BLTP3A: variants seen among roughly 807,000 people sequenced by gnomAD.
BLTP3A encodes the protein ICBP90 binding protein 1.
the BLTP3A span, chr6:34,876,979 C>G: frequency 6.6e-6 from 1 of 152,474 alleles, no homozygotes; most frequent in Non-Finnish European, 1.5e-5. Flanking sequence ...GTTCCTGTGA[C>G]TTCTAAAAAA....
chr6:34,841,274 G>A, the BLTP3A span, among the ~76,000 whole-genome samples: 10 of 151,788 alleles, frequency 6.6e-5, no homozygotes, highest in African/African-American at 2.4e-4. Flanking sequence ...TCACTATGTT[G>A]GCCAGGCTGG....
At chr6:34,872,238 C>G in the BLTP3A span, 1 of 1,518,780 alleles carries the variant, frequency 6.6e-7, no homozygotes, top group South Asian at 1.3e-5. Flanking sequence ...AACTCTTCCT[C>G]CCTGTTCCCT....
the BLTP3A span, among the ~76,000 whole-genome samples, chr6:34,836,925 C>T: frequency 6.6e-6 from 1 of 152,168 alleles, no homozygotes; most frequent in South Asian, 2.1e-4. Flanking sequence ...CCTTTATGAG[C>T]CCTGGGGAAA....
At chr6:34,821,694 C>G in the BLTP3A span, 9 of 1,613,980 alleles carry the variant, frequency 5.6e-6, no homozygotes, top group Non-Finnish European at 7.6e-6. Flanking sequence ...AACCTGAGCA[C>G]CCTGAAAGGG....
the BLTP3A span, among the ~76,000 whole-genome samples, chr6:34,852,935 C>T: frequency 6.6e-6 from 1 of 152,148 alleles, no homozygotes; most frequent in African/African-American, 2.4e-5. Flanking sequence ...TGGCTTTCTG[C>T]TGTGACAGCA....
At chr6:34,867,214 T>C in the BLTP3A span, 1 of 1,597,848 alleles carries the variant, frequency 6.3e-7, no homozygotes. Flanking sequence ...TTTGTCCTCT[T>C]TTTCATGCAG....
At chr6:34,852,669 C>T in the BLTP3A span, among the ~76,000 whole-genome samples, 1 of 151,768 alleles carries the variant, frequency 6.6e-6, no homozygotes, top group Non-Finnish European at 1.5e-5. Context: ...CTTTGGCTAT[C>T]CCAGTTGGCA....
the BLTP3A span, among the ~76,000 whole-genome samples, chr6:34,807,768 G>A: frequency 1.3e-5 from 2 of 152,272 alleles, no homozygotes; most frequent in Admixed American, 1.3e-4. Context: ...GGCTGGGTGC[G>A]GTGGCTCACG....
the BLTP3A span, among the ~76,000 whole-genome samples, chr6:34,871,361 C>T: frequency 1.3e-5 from 2 of 152,286 alleles, no homozygotes; most frequent in African/African-American, 4.8e-5. Flanking sequence ...GTAACCCTAA[C>T]CCTGTCTTTG....
the BLTP3A span, among the ~76,000 whole-genome samples, chr6:34,826,742 C>T: frequency 6.6e-6 from 1 of 152,026 alleles, no homozygotes; most frequent in Non-Finnish European, 1.5e-5. Flanking sequence ...TTCATATCTC[C>T]CCATCTTTGG....
the BLTP3A span, chr6:34,875,066 G>T: frequency 6.6e-6 from 1 of 152,626 alleles, no homozygotes; most frequent in Non-Finnish European, 1.5e-5. Flanking sequence ...CCTTAGTAAA[G>T]AAAGCACTTC....
the BLTP3A span, among the ~76,000 whole-genome samples, chr6:34,842,610 G>A: frequency 3.3e-5 from 5 of 152,190 alleles, no homozygotes; most frequent in East Asian, 5.8e-4. Flanking sequence ...TTGGGAGGCC[G>A]AGATGGAAGA....
At chr6:34,857,318 T>G in the BLTP3A span, 2 of 1,613,414 alleles carry the variant, frequency 1.2e-6, no homozygotes, top group African/African-American at 2.7e-5. Flanking sequence ...CAAAAAGTTG[T>G]GATTGTTTAG....
At chr6:34,855,617 G>T in the BLTP3A span, 1 of 1,613,232 alleles carries the variant, frequency 6.2e-7, no homozygotes, top group South Asian at 1.1e-5. Flanking sequence ...TATTTTATAG[G>T]TGTCTCTGCC....
At chr6:34,868,278 C>T in the BLTP3A span, among the ~76,000 whole-genome samples, 5 of 150,598 alleles carry the variant, frequency 3.3e-5, no homozygotes, top group African/African-American at 9.8e-5. Flanking sequence ...TGCACTGCAG[C>T]CTGGGTGACA....
the BLTP3A span, among the ~76,000 whole-genome samples, chr6:34,806,550 C>T: frequency 6.6e-6 from 1 of 152,186 alleles, no homozygotes; most frequent in Non-Finnish European, 1.5e-5. Context: ...CAGAAACTAA[C>T]GACAGCCTTA....
chr6:34,852,374 A>G, the BLTP3A span, among the ~76,000 whole-genome samples: 1 of 152,156 alleles, frequency 6.6e-6, no homozygotes, highest in Admixed American at 6.5e-5. Flanking sequence ...CCTTCCCTTC[A>G]AGGCAGTGGG....
chr6:34,859,249 G>T, the BLTP3A span: 1 of 1,614,100 alleles, frequency 6.2e-7, no homozygotes, highest in Non-Finnish European at 8.5e-7. Context: ...CCAGCAGCTG[G>T]CAGGGAAGGG....
At chr6:34,811,092 A>G in the BLTP3A span, among the ~76,000 whole-genome samples, 1 of 152,232 alleles carries the variant, frequency 6.6e-6, no homozygotes, top group Non-Finnish European at 1.5e-5. Flanking sequence ...ACACACAAAC[A>G]TAGACTGTGC....
Sources: gnomAD v4.1 joint callset for allele counts (sites outside exome capture counted in the v4.1 genomes callset) on GRCh38, gnomAD v4.1.1 for gene constraint, MANE v1.5 for transcripts, NCBI Gene and HGNC (gene_info 2026-07-23, HGNC 2026-07-21) for gene names.